The following BAZ1B variants were observed in gnomAD, a reference collection of about 807,000 sequenced individuals.
BAZ1B encodes the protein tyrosine-protein kinase BAZ1B.
Under a neutral mutation model 153.8 loss-of-function variants are expected in BAZ1B, and 22 were observed. The observed-to-expected ratio is 0.14, with a 90% CI of 0.10 to 0.20. The LOEUF (loss-of-function observed/expected upper bound fraction) is 0.20, where lower values mean the gene tolerates loss of function less well. Ranked by LOEUF, BAZ1B falls within the 10% of genes least tolerant of loss-of-function variation. The pLI, the probability that BAZ1B is intolerant of heterozygous loss-of-function variation, is 1.00. For missense variants in BAZ1B, 1,325 were observed against 1,799.3 expected (o/e 0.74, Z 4.77); for synonymous variants, 676 against 633.4 (o/e 1.07, Z -1.01).
chr7:73,470,225 CA>C, intron 8 of BAZ1B, 119 bp downstream of exon 8: 2 of 1,176,754 alleles, frequency 1.7e-6, no homozygotes, highest in Non-Finnish European at 2.3e-6. Context: ...ATTCTGTTTC[CA>C]AAAAGAATTG....
Position 73,489,172 on chromosome 7 carries a change from CAA to C in BAZ1B, c.891+20_891+21del. 6.2e-7 allele frequency: 1 copy of C among 1,610,250 alleles called. No individual in the cohort carries two copies. Among genetic ancestry groups the C allele is most frequent in the Non-Finnish European group, 8.5e-7 (1 of 1,176,710 alleles). ...AATAATGATGCTTTATCCTGCTGTC[CAA>C]AAATTAACAGTGACCTTACCTTGTA... On this transcript the variant is annotated intron_variant, in intron 6 of 19. Transcript: ENST00000339594.
intron 8 of BAZ1B, 57 bp from the exon 9 acceptor site, chr7:73,469,707 T>C: frequency 6.3e-7 from 1 of 1,590,154 alleles, no homozygotes; most frequent in African/African-American, 1.3e-5. Context: ...TGCAGGATGA[T>C]TTTACTGCTG....
intron 9 of BAZ1B, 132 bp downstream of exon 9, chr7:73,469,385 T>G (rs1332167882): frequency 8.9e-7 from 1 of 1,128,666 alleles, no homozygotes; most frequent in South Asian, 1.6e-5. Context: ...ATCTACCTAC[T>G]TCACTCAAAT....
chr7:73,518,831 C>T (rs1296128732), intron 1 of BAZ1B, among the ~76,000 whole-genome samples: 1 of 152,184 alleles, frequency 6.6e-6, no homozygotes, highest in African/African-American at 2.4e-5. Context: ...CTACAAAGGT[C>T]GTGAACTAGT....
intron 1 of BAZ1B, among the ~76,000 whole-genome samples, chr7:73,515,204 C>T (rs1790748159): frequency 6.6e-6 from 1 of 152,168 alleles, no homozygotes; most frequent in Non-Finnish European, 1.5e-5. Flanking sequence ...TAACTTTTCC[C>T]AGAAAACATT....
intron 3 of BAZ1B, among the ~76,000 whole-genome samples, chr7:73,498,944 T>C (rs1311304195): frequency 3.9e-5 from 6 of 152,200 alleles, no homozygotes; most frequent in African/African-American, 1.2e-4. Flanking sequence ...AATGCCAATA[T>C]ACAAGGCCAA....
rs1158030249 is a variant in BAZ1B at position 73,522,265 on chromosome 7, C to T, written c.-332G>A. The T allele has an allele frequency of 2.7e-6, 1 of 374,830 alleles. No homozygotes were observed. The allele number at this position is 374,830 out of a possible 1,614,324, so 23.2% of individuals were successfully genotyped here. On this transcript the variant is annotated 5_prime_UTR_variant, in exon 1 of 20. Coordinates refer to ENST00000339594, the MANE Select transcript of BAZ1B (RefSeq NM_032408.4). ...TGAAAAATGGCGGGAGATTCCCCTC[C>T]TCCCCCGGGCCCGGCCAACGCACAC...
At chr7:73,498,355 T>C (rs781833371) in intron 4 of BAZ1B, 142 bp downstream of exon 4, 7 of 768,790 alleles carry the variant, frequency 9.1e-6, no homozygotes, top group Non-Finnish European at 1.5e-5. Flanking sequence ...GACATTTTAG[T>C]TGTTCTATGA....
At chr7:73,473,397 A>T (rs1788886123) in intron 7 of BAZ1B, among the ~76,000 whole-genome samples, 1 of 152,166 alleles carries the variant, frequency 6.6e-6, no homozygotes, top group African/African-American at 2.4e-5. Context: ...TACTAAAAAT[A>T]CAAAAATTAG....
intron 1 of BAZ1B, among the ~76,000 whole-genome samples, chr7:73,518,399 C>T (rs572973761): frequency 2.0e-5 from 3 of 151,420 alleles, no homozygotes; most frequent in South Asian, 2.1e-4. Context: ...GGCGACAGAG[C>T]GAGACTCCGT....
At chr7:73,503,854 G>A (rs1027469397) in intron 3 of BAZ1B, among the ~76,000 whole-genome samples, 5 of 152,012 alleles carry the variant, frequency 3.3e-5, no homozygotes, top group Non-Finnish European at 7.4e-5. Flanking sequence ...AGTTCATAGG[G>A]AGCATGAGCA....
At chr7:73,501,282 C>T (rs1403520529) in intron 3 of BAZ1B, among the ~76,000 whole-genome samples, 1 of 151,962 alleles carries the variant, frequency 6.6e-6, no homozygotes, top group Non-Finnish European at 1.5e-5. Flanking sequence ...AAAACAAAAA[C>T]AAAAACAACA....
rs182118140 is a variant in BAZ1B, at chr7:73,513,262, A to G, written c.108-2410T>C. Among the ~76,000 whole-genome samples the G allele has an allele frequency of 7.7e-3, 1,180 of 152,286 alleles. 2 individuals carry two copies. Among genetic ancestry groups the G allele is most frequent in the Non-Finnish European group, 0.012 (818 of 68,018 alleles). ...GCCACCACGCCCAGCCGCATGTTTA[A>G]TAAATATAGATGCTTGGTTTTCCAA... On this transcript the variant is annotated intron_variant, in intron 1 of 19. Coordinates refer to ENST00000339594, the MANE Select transcript of BAZ1B (RefSeq NM_032408.4).
intron 17 of BAZ1B, among the ~76,000 whole-genome samples, chr7:73,443,764 G>T (rs1554565646): frequency 2.6e-5 from 4 of 152,140 alleles, no homozygotes; most frequent in African/African-American, 9.7e-5. Context: ...TAACTAGTTT[G>T]CAGGCTACAG....
At chr7:73,464,107 C>A in intron 11 of BAZ1B, 1 of 970,184 alleles carries the variant, frequency 1.0e-6, no homozygotes, top group East Asian at 1.1e-4. Context: ...GGGCTAACAT[C>A]AATATAATGT....
At chr7:73,443,598 G>A (rs1167019990) in intron 17 of BAZ1B, among the ~76,000 whole-genome samples, 5 of 152,262 alleles carry the variant, frequency 3.3e-5, no homozygotes, top group Admixed American at 2.6e-4. Flanking sequence ...AGGAGCAGAG[G>A]GGAGGGTAAT....
intron 7 of BAZ1B, 137 bp from the exon 8 acceptor site, chr7:73,470,620 T>C (rs1482091887): frequency 9.4e-7 from 1 of 1,065,290 alleles, no homozygotes; most frequent in Non-Finnish European, 1.3e-6. Context: ...AATTCTAATC[T>C]GTTACAAGAA....
At chr7:73,447,681 C>T (rs144782264) in intron 15 of BAZ1B, among the ~76,000 whole-genome samples, 2 of 152,246 alleles carry the variant, frequency 1.3e-5, no homozygotes, top group East Asian at 3.9e-4. Flanking sequence ...CAAAGCAATA[C>T]AAAACACTGT....
chr7:73,459,818 TAAC>T (rs1788331630), intron 12 of BAZ1B, 100 bp from the exon 13 acceptor site: 2 of 1,028,408 alleles, frequency 1.9e-6, no homozygotes, highest in Non-Finnish European at 2.8e-6. Context: ...AAATGCCACA[TAAC>T]ATTCATTAAA....
Sources: allele counts gnomAD v4.1 joint callset (sites outside exome capture counted in the v4.1 genomes callset), GRCh38; gene constraint gnomAD v4.1.1; transcripts MANE v1.5; gene names NCBI Gene and HGNC (gene_info 2026-07-23, HGNC 2026-07-21).